AHRR: variants seen among roughly 807,000 people sequenced by gnomAD.
The protein encoded by AHRR is aryl hydrocarbon receptor repressor.
Under a neutral mutation model 44.0 loss-of-function variants are expected in AHRR, and 28 were observed. The observed-to-expected ratio is 0.64, with a 90% CI of 0.47 to 0.87. The LOEUF (loss-of-function observed/expected upper bound fraction) is 0.87, where lower values mean the gene tolerates loss of function less well. Among genes scored for constraint, AHRR ranks in the 40% least tolerant of loss-of-function variants. AHRR has a pLI of 0.00. For synonymous variants in AHRR, 434 were observed against 407.0 expected (o/e 1.07, Z -0.80); for missense variants, 990 against 953.9 (o/e 1.04, Z -0.50).
intron 5 of AHRR, among the ~76,000 whole-genome samples, chr5:416,115 C>G (rs1352927711): frequency 6.6e-6 from 1 of 152,214 alleles, no homozygotes; most frequent in Non-Finnish European, 1.5e-5. Flanking sequence ...AGGTGCAGCT[C>G]GTCAGCACGC....
In AHRR at chr5:435,141, C is replaced by G. The variant is rs78235811; in HGVS notation, c.*307C>G. 2.8e-6 allele frequency: 1 copy of G among 354,194 alleles called. No individual in the cohort carries two copies. Among genetic ancestry groups the G allele is most frequent in the Non-Finnish European group, 5.1e-6 (1 of 195,000 alleles). The allele number at this position is 354,194 out of a possible 1,614,324, so 21.9% of individuals were successfully genotyped here. A position where few individuals can be genotyped will look rare whatever the true frequency, so the allele number is the denominator to read the frequency against. On this transcript the variant is annotated 3_prime_UTR_variant, in exon 11 of 11. Transcript: ENST00000684583. ...GCTGGACAGCTTCATGCCCCAGAGG[C>G]AGCGAGCACCCGTCCCATGGCTGCC...
At chr5:369,704 CTGTGCATCCT>C in intron 3 of AHRR, among the ~76,000 whole-genome samples, 1 of 152,370 alleles carries the variant, frequency 6.6e-6, no homozygotes, top group South Asian at 2.1e-4. Context: ...GGGACAAATT[CTGTGCATCCT>C]GGTGCAGAAC....
Position 437,052 on chromosome 5 carries a change from ATAAT to A in AHRR, c.*2221_*2224del, listed in dbSNP as rs1200761825. 1.3e-5 allele frequency: 2 copies of A among 152,398 alleles called. No homozygotes were observed. The highest frequency in any genetic ancestry group is 2.4e-5 in the African/African-American group (1 of 41,450). The allele number at this position is 152,398 out of a possible 1,614,324, so 9.4% of individuals were successfully genotyped here. On this transcript the variant is annotated 3_prime_UTR_variant, in exon 11 of 11. Transcript: ENST00000684583. ...TTTGCTGATCATGGAAAGACCCTTA[ATAAT>A]TAGGCCTGCAGGCCAGGCGCAGTGG...
In AHRR at chr5:394,593, C is replaced by T. The variant is rs1361415500; in HGVS notation, c.351+17877C>T. Among the ~76,000 whole-genome samples the T allele has an allele frequency of 7.1e-5, 10 of 140,080 alleles. No individual in the cohort carries two copies. In the East Asian group the frequency reaches 2.2e-3, roughly 31 times the overall value. 91.9% of individuals were successfully genotyped at this position (140,080 alleles called of 152,430 possible). On this transcript the variant is annotated intron_variant, in intron 4 of 10. Coordinates refer to ENST00000684583, the MANE Select transcript of AHRR (RefSeq NM_001377236.1). ...GTGTGCTGGAGCCCTCTTGTCTCTCCCCTTTCCTCCCTGTGTGCTGGAGCC... is the reference window on the plus strand; with the variant it reads ...GTGTGCTGGAGCCCTCTTGTCTCTCTCCTTTCCTCCCTGTGTGCTGGAGCC...
chr5:404,221 C>A lies in AHRR; in HGVS notation c.352-9123C>A. On this transcript the variant is annotated intron_variant, in intron 4 of 10. Coordinates refer to ENST00000684583, the MANE Select transcript of AHRR (RefSeq NM_001377236.1). This position sits in a 1 kb window ranked among gnomAD's most constrained non-coding sequence, Gnocchi z 4.1. ...CTTTGAACCCGTCGCAGCTCTCGCT[C>A]ATCCATGAGTCTAATCACATCTGCT... The A allele has an allele frequency of 5.8e-6, 3 of 519,808 alleles. No homozygotes were observed. Among genetic ancestry groups the A allele is most frequent in the South Asian group, 4.7e-5 (3 of 64,002 alleles). 32.2% of individuals were successfully genotyped at this position (519,808 alleles called of 1,614,324 possible).
At chr5:392,442 C>T (rs1269882363) in intron 4 of AHRR, among the ~76,000 whole-genome samples, 6 of 91,484 alleles carry the variant, frequency 6.6e-5, no homozygotes, top group Admixed American at 6.5e-4. Context: ...CAGGGCGAGG[C>T]AGGCGCAGGG....
At chr5:415,648 C>CCGAATCTCCCTGGTCTGCT (rs1560916386) in intron 5 of AHRR, among the ~76,000 whole-genome samples, 4 of 105,208 alleles carry the variant, frequency 3.8e-5, no homozygotes, top group Non-Finnish European at 8.5e-5. Flanking sequence ...CCTGGTGGGG[C>CCGAATCTCCCTGGTCTGCT]GGGAGGCCTA....
chr5:374,436 G>A (rs1743706397), intron 3 of AHRR, among the ~76,000 whole-genome samples: 1 of 152,244 alleles, frequency 6.6e-6, no homozygotes, highest in Non-Finnish European at 1.5e-5. Flanking sequence ...TGAGCCTGGA[G>A]GGCAGGAGGC....
At chr5:374,354 A>G (rs147401624) in intron 3 of AHRR, among the ~76,000 whole-genome samples, 19 of 152,278 alleles carry the variant, frequency 1.2e-4, no homozygotes, top group African/African-American at 4.6e-4. Context: ...TGGGAGAAAG[A>G]TCTTGATTTT....
intron 5 of AHRR, among the ~76,000 whole-genome samples, chr5:416,226 G>A (rs1188056692): frequency 6.6e-6 from 1 of 152,240 alleles, no homozygotes; most frequent in East Asian, 1.9e-4. Context: ...CCAGGCCACT[G>A]CCCTGTTGGG....
intron 3 of AHRR, among the ~76,000 whole-genome samples, chr5:372,591 T>C (rs1484567063): frequency 6.6e-6 from 1 of 152,186 alleles, no homozygotes; most frequent in Non-Finnish European, 1.5e-5. Context: ...TCAGCCGCAG[T>C]CGCTGCACAG....
At chr5:362,828 G>A (rs1743227419) in intron 3 of AHRR, among the ~76,000 whole-genome samples, 1 of 152,218 alleles carries the variant, frequency 6.6e-6, no homozygotes, top group East Asian at 1.9e-4. Flanking sequence ...ACTCATTCCT[G>A]GTGCTTGAGT....
intron 4 of AHRR, among the ~76,000 whole-genome samples, chr5:385,188 C>A (rs1264234744): frequency 6.8e-6 from 1 of 147,766 alleles, no homozygotes; most frequent in Non-Finnish European, 1.5e-5. Flanking sequence ...TTTTTTTTTT[C>A]TTTTGAGACA....
chr5:395,361 A>T lies in AHRR; in HGVS notation c.352-17983A>T, dbSNP rs1405026605. Among the ~76,000 whole-genome samples the T allele has an allele frequency of 6.6e-6, 1 of 152,168 alleles. No individual in the cohort carries two copies. The highest frequency in any genetic ancestry group is 1.5e-5 in the Non-Finnish European group (1 of 68,024). ...CTGAGCAGGGTCCGAAAATTAGGGG[A>T]ATAAAAGTCCCGGGAGAGGACAAGG... On this transcript the variant is annotated intron_variant, in intron 4 of 10. Transcript: ENST00000684583. This position sits in a 1 kb window ranked among gnomAD's most constrained non-coding sequence, Gnocchi z 5.3.
intron 2 of AHRR, among the ~76,000 whole-genome samples, chr5:350,500 G>A (rs1266249114): frequency 2.0e-5 from 3 of 152,112 alleles, no homozygotes; most frequent in Admixed American, 6.5e-5. Context: ...TATCCTGTCC[G>A]TGGCCTGTGT....
At chr5:416,137 C>G (rs1408675224) in intron 5 of AHRR, among the ~76,000 whole-genome samples, 1 of 152,242 alleles carries the variant, frequency 6.6e-6, no homozygotes, top group Non-Finnish European at 1.5e-5. Context: ...TGGGCTGGCC[C>G]TGGTGGAGGA....
At chr5:324,078 G>A (rs1273520930) in intron 1 of AHRR, among the ~76,000 whole-genome samples, 1 of 133,952 alleles carries the variant, frequency 7.5e-6, no homozygotes, top group Non-Finnish European at 1.5e-5. Context: ...CTTTTCTTTC[G>A]AGACAGAGTC....
rs1241328157 is a variant in AHRR, at chr5:433,866, G to GAGC, written c.1131_1133dup (p.Gln377dup). ...TTTTCTCTGCAGGGACAGGGAGGAG[G>GAGC]AGCAGCACAGGATGCTGAGCAGGGC... On this transcript the variant is annotated inframe_insertion, in exon 11 of 11. Coordinates refer to ENST00000684583, the MANE Select transcript of AHRR (RefSeq NM_001377236.1). 6.7e-7 allele frequency: 1 copy of GAGC among 1,498,424 alleles called. No homozygotes were observed. Among genetic ancestry groups the GAGC allele is most frequent in the Non-Finnish European group, 8.9e-7 (1 of 1,126,914 alleles). 92.8% of individuals were successfully genotyped at this position (1,498,424 alleles called of 1,614,324 possible).
Position 388,377 on chromosome 5 carries a change from G to A in AHRR, c.351+11661G>A, listed in dbSNP as rs1157443858. On this transcript the variant is annotated intron_variant, in intron 4 of 10. Coordinates refer to ENST00000684583, the MANE Select transcript of AHRR (RefSeq NM_001377236.1). The surrounding 1 kb of genome is among the most constrained non-coding windows in gnomAD (Gnocchi z 5.2). ...TCATGGACTCACGCAGCCATCCATC[G>A]ATGGCTATGGGGAGGGTACCTGCCA... Among the ~76,000 whole-genome samples the A allele has an allele frequency of 3.9e-5, 6 of 152,354 alleles. No individual in the cohort carries two copies. The highest frequency in any genetic ancestry group is 9.6e-5 in the African/African-American group (4 of 41,574).
Sources: allele counts gnomAD v4.1 joint callset (sites outside exome capture counted in the v4.1 genomes callset), GRCh38; gene constraint gnomAD v4.1.1; non-coding constraint Gnocchi (gnomAD v3.1); transcripts MANE v1.5; gene names NCBI Gene and HGNC (gene_info 2026-07-23, HGNC 2026-07-21).